Variants in CCSER1 observed in about 807,000 individuals in gnomAD.
CCSER1 encodes serine-rich coiled-coil domain-containing protein 1.
In CCSER1, 41 loss-of-function variants were observed where a neutral mutation model predicts 82.0. The observed-to-expected ratio is 0.50, with a 90% CI of 0.39 to 0.65. CCSER1 has a LOEUF of 0.65. CCSER1 is among the 30% of genes least tolerant of loss of function. The pLI is 0.00. For missense variants in CCSER1, 1,119 were observed against 1,064.2 expected (o/e 1.05, Z -0.72); for synonymous variants, 414 against 383.9 (o/e 1.08, Z -0.92).
At chr4:90,621,250 A>T (rs1281037599) in intron 5 of CCSER1, among the ~76,000 whole-genome samples, 1 of 152,160 alleles carries the variant, frequency 6.6e-6, no homozygotes, top group African/African-American at 2.4e-5. Context: ...CTTTTTTGCC[A>T]GGGAGGAAAT....
chr4:90,953,011 T>C (rs2150357909), intron 9 of CCSER1, among the ~76,000 whole-genome samples: 1 of 152,224 alleles, frequency 6.6e-6, no homozygotes, highest in South Asian at 2.1e-4. Flanking sequence ...CCTTTAATAT[T>C]TTGCTTTAAT....
intron 10 of CCSER1, among the ~76,000 whole-genome samples, chr4:91,309,659 A>G (rs1318850870): frequency 6.6e-6 from 1 of 152,022 alleles, no homozygotes; most frequent in Non-Finnish European, 1.5e-5. Context: ...TGTACTCTAC[A>G]AGGAACAACC....
intron 10 of CCSER1, among the ~76,000 whole-genome samples, chr4:91,174,856 G>C (rs1392307021): frequency 1.4e-5 from 2 of 148,020 alleles, no homozygotes; most frequent in East Asian, 4.0e-4. Context: ...AATTTCTAGG[G>C]TACATGTGCA....
chr4:90,535,530 C>T (rs183155678), intron 5 of CCSER1, among the ~76,000 whole-genome samples: 6 of 152,280 alleles, frequency 3.9e-5, no homozygotes, highest in Admixed American at 3.9e-4. Flanking sequence ...ATTGTTTACA[C>T]TTAGCACAGA....
At chr4:90,325,506 G>T in intron 3 of CCSER1, 1 of 189,824 alleles carries the variant, frequency 5.3e-6, no homozygotes, top group Admixed American at 5.5e-5. Context: ...TTAATTTTCC[G>T]TGAGAGGACA....
At chr4:90,943,386 ATCT>A (rs1731824434) in intron 9 of CCSER1, among the ~76,000 whole-genome samples, 1 of 152,200 alleles carries the variant, frequency 6.6e-6, no homozygotes, top group South Asian at 2.1e-4. Flanking sequence ...GATAGTGATC[ATCT>A]TACAGCCTTT....
intron 4 of CCSER1, among the ~76,000 whole-genome samples, chr4:90,408,357 G>A (rs570488700): frequency 1.4e-4 from 22 of 152,312 alleles, no homozygotes; most frequent in African/African-American, 4.8e-4. Context: ...CCTGACCCCC[G>A]AGTAGCCTAA....
intron 6 of CCSER1, among the ~76,000 whole-genome samples, chr4:90,686,824 C>T (rs570589364): frequency 6.6e-6 from 1 of 152,282 alleles, no homozygotes; most frequent in East Asian, 1.9e-4. Context: ...ATCTCCTCTC[C>T]TCTGCCAATT....
At chr4:90,467,262 T>C (rs1455740086) in intron 4 of CCSER1, among the ~76,000 whole-genome samples, 4 of 152,110 alleles carry the variant, frequency 2.6e-5, no homozygotes, top group African/African-American at 7.2e-5. Context: ...AGTGCGCCTG[T>C]AGTCCTAGCT....
intron 7 of CCSER1, among the ~76,000 whole-genome samples, chr4:90,749,925 C>T (rs1748289742): frequency 6.6e-6 from 1 of 152,028 alleles, no homozygotes; most frequent in East Asian, 1.9e-4. Flanking sequence ...AAAAGTGTTC[C>T]TATTTCTCGA....
At chr4:91,446,260 A>G (rs961352879) in intron 10 of CCSER1, among the ~76,000 whole-genome samples, 1 of 152,108 alleles carries the variant, frequency 6.6e-6, no homozygotes, top group South Asian at 2.1e-4. Context: ...AGTCACATCA[A>G]GCAGTGGCCA....
At chr4:90,381,994 A>C (rs1173191024) in intron 3 of CCSER1, among the ~76,000 whole-genome samples, 2 of 152,038 alleles carry the variant, frequency 1.3e-5, no homozygotes, top group African/African-American at 4.8e-5. Flanking sequence ...TCCATTTAGA[A>C]TTTTTTAGTC....
At chr4:91,529,164 C>T (rs1056349790) in intron 10 of CCSER1, among the ~76,000 whole-genome samples, 1 of 152,092 alleles carries the variant, frequency 6.6e-6, no homozygotes, top group Non-Finnish European at 1.5e-5. Context: ...AAATTAGTTT[C>T]AGATGTAAGA....
intron 7 of CCSER1, among the ~76,000 whole-genome samples, chr4:90,758,140 G>A (rs974252383): frequency 5.9e-5 from 9 of 152,040 alleles, no homozygotes; most frequent in South Asian, 4.1e-4. Flanking sequence ...GTTTCTCCAC[G>A]TTGGCCAGGC....
At chr4:90,605,009 A>G (rs930662982) in intron 5 of CCSER1, among the ~76,000 whole-genome samples, 18 of 107,186 alleles carry the variant, frequency 1.7e-4, no homozygotes, top group African/African-American at 3.2e-4. Context: ...CTCCGCTTCC[A>G]CGTGTGGGAG....
chr4:90,588,098 G>A (rs1487428977), intron 5 of CCSER1, among the ~76,000 whole-genome samples: 2 of 152,114 alleles, frequency 1.3e-5, no homozygotes, highest in Non-Finnish European at 2.9e-5. Context: ...TTGGCTATTG[G>A]AGGGCCTGAT....
intron 10 of CCSER1, among the ~76,000 whole-genome samples, chr4:91,447,432 G>T (rs1438886191): frequency 6.6e-6 from 1 of 151,892 alleles, no homozygotes; most frequent in Non-Finnish European, 1.5e-5. Flanking sequence ...CTTGATTGGT[G>T]GTTCAAATGT....
chr4:91,225,247 T>C (rs1341162104), intron 10 of CCSER1, among the ~76,000 whole-genome samples: 1 of 140,754 alleles, frequency 7.1e-6, no homozygotes, highest in Non-Finnish European at 1.5e-5. Flanking sequence ...TATAATTATA[T>C]ACATATACAT....
intron 1 of CCSER1, among the ~76,000 whole-genome samples, chr4:90,237,162 T>A (rs1745953140): frequency 6.6e-6 from 1 of 152,200 alleles, no homozygotes; most frequent in Admixed American, 6.5e-5. Flanking sequence ...TCATTTTTAG[T>A]TTTTAATGGG....
Sources: allele counts gnomAD v4.1 joint callset (sites outside exome capture counted in the v4.1 genomes callset), GRCh38; gene constraint gnomAD v4.1.1; transcripts MANE v1.5; gene names NCBI Gene and HGNC (gene_info 2026-07-23, HGNC 2026-07-21).